The following RELN variants were observed in gnomAD, a reference collection of about 807,000 sequenced individuals.
RELN encodes reelin.
A neutral mutation model predicts 427.6 loss-of-function variants in RELN; 108 were observed. That is an observed-to-expected ratio of 0.25 (90% confidence interval 0.22 to 0.30). The LOEUF (loss-of-function observed/expected upper bound fraction) is 0.30, where lower values mean the gene tolerates loss of function less well. RELN is among the 10% of genes least tolerant of loss of function. The pLI, the probability that RELN is intolerant of heterozygous loss-of-function variation, is 1.00. For missense variants in RELN, 3,715 were observed against 4,302.8 expected (o/e 0.86, Z 3.82); for synonymous variants, 1,524 against 1,513.4 (o/e 1.01, Z -0.16).
chr7:103,674,981 C>A (rs1162322185), intron 11 of RELN, among the ~76,000 whole-genome samples: 1 of 152,148 alleles, frequency 6.6e-6, no homozygotes, highest in African/African-American at 2.4e-5. Context: ...TAGCACAAGA[C>A]AGAGATGCCC....
At chr7:103,528,411 G>A (rs1455884630) in intron 46 of RELN, among the ~76,000 whole-genome samples, 2 of 151,986 alleles carry the variant, frequency 1.3e-5, no homozygotes, top group African/African-American at 4.8e-5. Context: ...CTGCTAATAA[G>A]TATAGGATTT....
At chr7:103,986,930 CTGTGTGTGTG>C (rs68023932) in intron 1 of RELN, among the ~76,000 whole-genome samples, 50,018 of 148,920 alleles carry the variant, frequency 0.34, 8,708 homozygotes, top group Non-Finnish European at 0.38. Context: ...CTAACAGAAG[CTGTGTGTGTG>C]TGTGTGTGTG....
At position 103,629,984 on chromosome 7, in the gene RELN, G is replaced by C; in HGVS notation, c.2658C>G (p.Tyr886Ter). 6.2e-7 allele frequency: 1 copy of C among 1,613,604 alleles called. No individual in the cohort carries two copies. The highest frequency in any genetic ancestry group is 1.1e-5 in the South Asian group (1 of 91,072). Residue 886 changes from tyrosine (Y) to a stop codon, truncating the protein, a stop_gained, in exon 20 of 65, where the codon TAC (tyrosine) becomes TAG (stop). Coordinates refer to ENST00000428762, the MANE Select transcript of RELN (RefSeq NM_005045.4). LOFTEE classifies it high-confidence loss of function. ...CACAGTATGGCTGAACATTTCCAAG[G>C]TAGAATCCCAGAGACTGAGTGACCT... ...LVEVTQSLGF[Y>*]LGNVQPYCGH...
intron 1 of RELN, among the ~76,000 whole-genome samples, chr7:103,928,622 TCCACTACAGTAAGAAG>T (rs1254176011): frequency 6.6e-6 from 1 of 152,208 alleles, no homozygotes; most frequent in Non-Finnish European, 1.5e-5. Context: ...CATTAAGAAT[TCCACTACAGTAAGAAG>T]CCACTTTGCC....
chr7:103,954,557 G>T (rs936264470), intron 1 of RELN, among the ~76,000 whole-genome samples: 1 of 152,090 alleles, frequency 6.6e-6, no homozygotes, highest in Non-Finnish European at 1.5e-5. Flanking sequence ...TTTCCCAATT[G>T]CAGGCCATCT....
chr7:103,932,360 G>A (rs1438137898), intron 1 of RELN, among the ~76,000 whole-genome samples: 1 of 152,098 alleles, frequency 6.6e-6, no homozygotes, highest in Admixed American at 6.6e-5. Context: ...CACAAAGATG[G>A]GAACAACAGA....
chr7:103,711,934 C>T (rs556389967), intron 8 of RELN, among the ~76,000 whole-genome samples: 1 of 152,174 alleles, frequency 6.6e-6, no homozygotes, highest in African/African-American at 2.4e-5. Context: ...GCTGGGATTA[C>T]AGGTGTGAGC....
At chr7:103,947,527 G>A (rs552749580) in intron 1 of RELN, among the ~76,000 whole-genome samples, 1 of 152,284 alleles carries the variant, frequency 6.6e-6, no homozygotes, top group African/African-American at 2.4e-5. Context: ...AAGGAAAAAG[G>A]CCTGGAATAG....
chr7:103,948,727 A>G (rs1357767147), intron 1 of RELN, among the ~76,000 whole-genome samples: 2 of 151,968 alleles, frequency 1.3e-5, no homozygotes, highest in Non-Finnish European at 2.9e-5. Context: ...AAAACATACA[A>G]TTCAAGCCAC....
intron 16 of RELN, among the ~76,000 whole-genome samples, chr7:103,644,801 T>A (rs558220937): frequency 1.6e-4 from 24 of 151,682 alleles, no homozygotes; most frequent in Non-Finnish European, 3.2e-4. Flanking sequence ...AAATACATTG[T>A]AAGGATGTCA....
intron 3 of RELN, among the ~76,000 whole-genome samples, chr7:103,823,434 C>T (rs551331039): frequency 6.6e-6 from 1 of 151,972 alleles, no homozygotes; most frequent in East Asian, 1.9e-4. Flanking sequence ...TTTTAACTAA[C>T]TGTTCTTTAA....
intron 64 of RELN, among the ~76,000 whole-genome samples, chr7:103,473,737 G>C (rs1375914074): frequency 1.3e-5 from 2 of 152,060 alleles, no homozygotes; most frequent in Non-Finnish European, 2.9e-5. Context: ...TTAATGTTTT[G>C]GTATAGTCCT....
At chr7:103,567,155 T>C (rs763179132) in intron 31 of RELN, among the ~76,000 whole-genome samples, 11 of 152,200 alleles carry the variant, frequency 7.2e-5, no homozygotes, top group Non-Finnish European at 1.5e-4. Flanking sequence ...ATCAAGTAGC[T>C]CTTTGCTGCT....
rs377669512 is a variant in RELN, at chr7:103,503,080, C to T, written c.8425G>A (p.Val2809Ile). The change falls in exon 52 of 65, where the codon GTA becomes ATA. Residue 2809 changes from valine to isoleucine, a missense_variant. Transcript: ENST00000428762. The stretch of plus-strand genomic sequence containing the variant: ...TTCCACCCTTTAGTTGGAAAGAATA[C>T]AGATGGCTGAGAAACACTTCCAGAG... ...KCSGSVSQPS[V>I]FFPTKGWKRI... is the part of the protein sequence containing the mutation. 7 of 1,614,032 alleles carry T rather than the reference C, an allele frequency of 4.3e-6. No homozygotes were observed. The African/African-American group carries it at 6.7e-5, about 15-fold the overall frequency.
chr7:103,619,688 G>A (rs1281141385), intron 20 of RELN, among the ~76,000 whole-genome samples: 6 of 152,208 alleles, frequency 3.9e-5, no homozygotes, highest in African/African-American at 1.2e-4. Flanking sequence ...GGTGCCTGCT[G>A]GAGGGGGAGT....
chr7:103,854,561 ATTAAGAGAC>A (rs1398310392), intron 2 of RELN, among the ~76,000 whole-genome samples: 2 of 152,218 alleles, frequency 1.3e-5, no homozygotes, highest in Non-Finnish European at 2.9e-5. Flanking sequence ...GAATTAAGGG[ATTAAGAGAC>A]TTAGTATGAA....
intron 28 of RELN, among the ~76,000 whole-genome samples, chr7:103,576,195 C>A (rs942498991): frequency 6.6e-6 from 1 of 152,152 alleles, no homozygotes; most frequent in Admixed American, 6.5e-5. Context: ...CGCACCTTTG[C>A]ACTCCATCCA....
intron 63 of RELN, among the ~76,000 whole-genome samples, chr7:103,478,751 A>G (rs1187892053): frequency 6.6e-6 from 1 of 152,182 alleles, no homozygotes; most frequent in African/African-American, 2.4e-5. Flanking sequence ...TTACATTGTA[A>G]GAAATACTAA....
At chr7:103,701,344 G>A (rs1225953358) in intron 8 of RELN, among the ~76,000 whole-genome samples, 4 of 152,056 alleles carry the variant, frequency 2.6e-5, no homozygotes, top group African/African-American at 7.2e-5. Flanking sequence ...TATGGTTCTT[G>A]CAAGTTAGTA....
Sources: gnomAD v4.1 joint callset for allele counts (sites outside exome capture counted in the v4.1 genomes callset) on GRCh38, gnomAD v4.1.1 for gene constraint, MANE v1.5 for transcripts, NCBI Gene and HGNC (gene_info 2026-07-23, HGNC 2026-07-21) for gene names.